The following SIRPB1 variants were observed in gnomAD, a reference collection of about 807,000 sequenced individuals.
SIRPB1 encodes signal-regulatory protein beta-1.
SIRPB1 carries 28 observed loss-of-function variants against 34.1 expected under a neutral mutation model. That is an observed-to-expected ratio of 0.82 (90% CI 0.61 to 1.12). SIRPB1 has a LOEUF of 1.12. SIRPB1 is among the 50% of genes most tolerant of loss of function. SIRPB1 has a pLI of 0.00. For missense variants in SIRPB1, 499 were observed against 507.0 expected, an observed-to-expected ratio of 0.98 and a Z score of 0.15; for synonymous variants, 211 against 203.8, an observed-to-expected ratio of 1.04 and a Z score of -0.30.
intron 4 of SIRPB1, among the ~76,000 whole-genome samples, chr20:1,569,037 A>G (rs1042249371): frequency 2.0e-5 from 3 of 152,258 alleles, no homozygotes; most frequent in African/African-American, 7.2e-5. Context: ...CAAAAGGGTT[A>G]TGAGAGGATA....
chr20:1,620,000 A>C lies in SIRPB1; in HGVS notation c.-56T>G. The C allele has an allele frequency of 6.5e-7, 1 of 1,537,118 alleles. No homozygotes were observed. Among genetic ancestry groups the C allele is most frequent in the Non-Finnish European group, 8.8e-7 (1 of 1,134,346 alleles). ...AACGTCTGTGCTGGGAAGATCGCAG[A>C]CTCTGCTCTGAGGAGAGAAGACAAG... On this transcript the variant is annotated 5_prime_UTR_variant, in exon 1 of 6. Transcript: ENST00000381605.
Position 1,581,531 on chromosome 20 carries a change from C to A in SIRPB1, c.77-2837G>T. On this transcript the variant is annotated intron_variant, in intron 1 of 5. Coordinates refer to ENST00000381605, the MANE Select transcript of SIRPB1 (RefSeq NM_006065.5). ...TTGCCTACCCATCTGCTTGATTGAG[C>A]CTGCTCCTTGGGAGCTCCTTCCACA... 4.4e-5 allele frequency among the ~76,000 whole-genome samples: 2 copies of A among 45,496 alleles called. 1 individual carries two copies. The highest frequency in any genetic ancestry group is 3.0e-4 in the Admixed American group (2 of 6,592). 29.8% of individuals were successfully genotyped at this position (45,496 alleles called of 152,430 possible).
Position 1,566,179 on chromosome 20 carries a change from G to T in SIRPB1, c.1173C>A (p.Tyr391Ter). ...LLLVVGVSAIYICWKQKA is the reference protein window; with the variant it reads ...LLLVVGVSAI ...GTCAGGCCTTCTGTTTCCAGCAGAT[G>T]TAGATGGCAGAGACACCAACCACCA... is the stretch of plus-strand genomic sequence containing the variant. The change falls in exon 5 of 6, where the codon TAC becomes TAA. Residue 391 changes from tyrosine to a stop codon, truncating the protein, a stop_gained. Transcript: ENST00000381605. LOFTEE classifies it high-confidence loss of function. 1 of 1,610,496 alleles carries T rather than the reference G, an allele frequency of 6.2e-7. No homozygotes were observed. Among genetic ancestry groups the T allele is most frequent in the Non-Finnish European group, 8.5e-7 (1 of 1,178,262 alleles).
Position 1,564,769 on chromosome 20 carries a change from A to T in SIRPB1, c.*731T>A. The T allele has an allele frequency of 2.5e-6, 1 of 397,248 alleles. No individual in the cohort carries two copies. Among genetic ancestry groups the T allele is most frequent in the South Asian group, 1.4e-4 (1 of 7,036 alleles). The allele number at this position is 397,248 out of a possible 1,614,324, so 24.6% of individuals were successfully genotyped here. ...GAGAAATTGGCAAGCACTGCAAAAC[A>T]GCTTTTGGTTTTTCCCTTTCAGAAA... On this transcript the variant is annotated 3_prime_UTR_variant, in exon 6 of 6. Transcript: ENST00000381605.
In SIRPB1 at chr20:1,562,973, G is replaced by C. The variant is rs2091092480; in HGVS notation, c.*2527C>G. ...TGTGGCAATGTAGACCCTGATGCAG[G>C]AACTTCAGATAGGCAGCCAGAGGGA... On this transcript the variant is annotated 3_prime_UTR_variant, in exon 6 of 6. Transcript: ENST00000381605. Among the ~76,000 whole-genome samples, 1 of 152,170 alleles carries C rather than the reference G, an allele frequency of 6.6e-6. No homozygotes were observed. Among genetic ancestry groups the C allele is most frequent in the South Asian group, 2.1e-4 (1 of 4,830 alleles).
rs1305033731 is a variant in SIRPB1 at position 1,561,445 on chromosome 20, C to T, written c.*4055G>A. ...TCTTTTTACCTAATGTCGTTTTTCT[C>T]TTCCAGCATCCCATCCAGGATACCT... On this transcript the variant is annotated 3_prime_UTR_variant, in exon 6 of 6. Transcript: ENST00000381605. Among the ~76,000 whole-genome samples, 2 of 152,024 alleles carry T rather than the reference C, an allele frequency of 1.3e-5. No individual in the cohort carries two copies. The highest frequency in any genetic ancestry group is 2.9e-5 in the Non-Finnish European group (2 of 67,984).
Position 1,578,520 on chromosome 20 carries a change from C to T in SIRPB1, c.251G>A (p.Gly84Asp). ...AACAGTTGTTACCCGTGGGAAGTGG[C>T]CTTCTTTCTGATTGTAGATTAATTC... Reference protein sequence around the residue: ...GRELIYNQKEGHFPRVTTVSE... With the variant: ...GRELIYNQKEDHFPRVTTVSE... The change falls in exon 2 of 6, where the codon GGC (glycine) becomes GAC (aspartate). Residue 84 changes from glycine to aspartate, a missense_variant. Physicochemically the swap from Gly to Asp is moderately conservative, Grantham distance 94. Transcript: ENST00000381605. 2 of 1,583,816 alleles carry T rather than the reference C, an allele frequency of 1.3e-6. No homozygotes were observed. Among genetic ancestry groups the T allele is most frequent in the Non-Finnish European group, 1.7e-6 (2 of 1,157,596 alleles).
intron 4 of SIRPB1, 54 bp downstream of exon 4, chr20:1,570,751 T>C: frequency 2.2e-6 from 3 of 1,346,566 alleles, no homozygotes; most frequent in East Asian, 2.3e-5. Flanking sequence ...AGCATGAATA[T>C]TGCTTTTAAC....
Position 1,564,691 on chromosome 20 carries a change from GTTGT to G in SIRPB1, c.*805_*808del. 2.6e-6 allele frequency: 1 copy of G among 383,468 alleles called. No homozygotes were observed. The highest frequency in any genetic ancestry group is 4.6e-6 in the Non-Finnish European group (1 of 216,998). 23.8% of individuals were successfully genotyped at this position (383,468 alleles called of 1,614,324 possible). A position where few individuals can be genotyped will look rare whatever the true frequency, so the allele number is the denominator to read the frequency against. On this transcript the variant is annotated 3_prime_UTR_variant, in exon 6 of 6. Transcript: ENST00000381605. Reference sequence around the variant, plus strand: ...TAAATTTCAGGAATCTTGCAATCTGGTTGTTTAACTGTTGGCAGTGTGAAATTGG... The same window carrying G: ...TAAATTTCAGGAATCTTGCAATCTGGTTAACTGTTGGCAGTGTGAAATTGG...
At chr20:1,619,083 G>A (rs2091671494) in intron 1 of SIRPB1, among the ~76,000 whole-genome samples, 1 of 152,172 alleles carries the variant, frequency 6.6e-6, no homozygotes, top group South Asian at 2.1e-4. Context: ...ATGTGTTTAA[G>A]ACACAGAGAG....
In SIRPB1 at chr20:1,565,052, A is replaced by AT. The variant is rs1216048549; in HGVS notation, c.*447dup. The AT allele has an allele frequency of 2.0e-5, 8 of 398,298 alleles. No individual in the cohort carries two copies. The highest frequency in any genetic ancestry group is 1.1e-4 in the East Asian group (3 of 28,074). 24.7% of individuals were successfully genotyped at this position (398,298 alleles called of 1,614,324 possible). A position where few individuals can be genotyped will look rare whatever the true frequency, so the allele number is the denominator to read the frequency against. ...GCTTGGACAAAGAGGAAAGAGAATC[A>AT]TTTTTTTCTTAAAATTGGTATAGGG... On this transcript the variant is annotated 3_prime_UTR_variant, in exon 6 of 6. Coordinates refer to ENST00000381605, the MANE Select transcript of SIRPB1 (RefSeq NM_006065.5).
chr20:1,600,670 G>A (rs1282309794), intron 1 of SIRPB1, among the ~76,000 whole-genome samples: 1 of 49,416 alleles, frequency 2.0e-5, no homozygotes, highest in Admixed American at 1.3e-4. Context: ...GGCTCAGCAC[G>A]TCCCTCTCCT....
intron 4 of SIRPB1, chr20:1,570,379 A>G (rs116364880): frequency 0.014 from 2,128 of 156,310 alleles, 51 homozygotes; most frequent in African/African-American, 0.048. Flanking sequence ...GGCTGAGGTC[A>G]CAGATGCGGA....
chr20:1,611,348 T>G (rs1568705143), intron 1 of SIRPB1: 1 of 892,732 alleles, frequency 1.1e-6, no homozygotes, highest in Non-Finnish European at 1.5e-6. Context: ...AAGCCCACGC[T>G]GTACTCACCA....
intron 4 of SIRPB1, among the ~76,000 whole-genome samples, chr20:1,567,263 C>T (rs1450254121): frequency 6.6e-6 from 1 of 152,036 alleles, no homozygotes; most frequent in Non-Finnish European, 1.5e-5. Flanking sequence ...AAGTTTATTC[C>T]TTCTAAGGGG....
rs757130125 is a variant in SIRPB1, at chr20:1,572,009, GC to G, written c.461del (p.Gly154AlafsTer4). The G allele has an allele frequency of 6.2e-7, 1 of 1,614,050 alleles. No individual in the cohort carries two copies. Among genetic ancestry groups the G allele is most frequent in the East Asian group, 2.2e-5 (1 of 44,886 alleles). The part of the protein sequence containing the change: ...RAKPSAPVVS[G>X]PAVRATPEHT... ...GCTCAGGTGTGGCCCTCACCGCAGG[GC>G]CCGATACCACGGGGGCAGAGGGTTT... On this transcript the variant is annotated frameshift_variant, in exon 3 of 6. Transcript: ENST00000381605. LOFTEE classifies it high-confidence loss of function.
intron 1 of SIRPB1, among the ~76,000 whole-genome samples, chr20:1,613,742 G>A (rs1006170300): frequency 5.3e-5 from 8 of 152,256 alleles, no homozygotes; most frequent in East Asian, 3.9e-4. Flanking sequence ...ATTGTGAGAC[G>A]TTATCAAATG....
chr20:1,572,097 G>A, intron 2 of SIRPB1, 60 bp from the exon 3 acceptor site: 1 of 1,610,076 alleles, frequency 6.2e-7, no homozygotes, highest in Non-Finnish European at 8.5e-7. Context: ...CTGATGATAA[G>A]CGTTTGACAT....
chr20:1,578,449 T>C lies in SIRPB1; in HGVS notation c.322A>G (p.Ser108Gly), dbSNP rs41290373. 37 of 1,584,698 alleles carry C rather than the reference T, an allele frequency of 2.3e-5. 3 individuals are homozygous for C. Among genetic ancestry groups the C allele is most frequent in the African/African-American group, 2.2e-4 (16 of 73,808 alleles). Residue 108 changes from serine (S) to glycine (G), a missense_variant, in exon 2 of 6, where the codon AGT (serine) becomes GGT (glycine). By Grantham distance (56) the Ser-to-Gly change is moderately conservative. Transcript: ENST00000381605. ...CCGGCGTCTGCTGGGGTGATGTTACTGATGCTGATGGAAAAGTCCAGGTTG... is the reference window on the plus strand; with the variant it reads ...CCGGCGTCTGCTGGGGTGATGTTACCGATGCTGATGGAAAAGTCCAGGTTG... ...RNNLDFSISI[S>G]NITPADAGTY...
Sources: allele counts gnomAD v4.1 joint callset (sites outside exome capture counted in the v4.1 genomes callset), GRCh38; gene constraint gnomAD v4.1.1; transcripts MANE v1.5; gene names NCBI Gene and HGNC (gene_info 2026-07-23, HGNC 2026-07-21).